The following PCBP3 variants were observed in gnomAD, a reference collection of about 807,000 sequenced individuals.
The protein encoded by PCBP3 is poly(rC) binding protein 3, also known as poly(rC)-binding protein 3.
In PCBP3, 25 loss-of-function variants were observed where a neutral mutation model predicts 52.7. That is an observed-to-expected ratio of 0.47 (90% CI 0.35 to 0.66). The LOEUF (loss-of-function observed/expected upper bound fraction) is 0.66. Among genes scored for constraint, PCBP3 ranks in the 30% least tolerant of loss-of-function variants. The probability of loss-of-function intolerance (pLI) is 0.01; values close to 1 mark genes in which losing one functional copy is unlikely to be tolerated. For synonymous variants in PCBP3, 162 were observed against 183.0 expected (o/e 0.89, Z 0.93); for missense variants, 391 against 490.3 (o/e 0.80, Z 1.91).
intron 12 of PCBP3, chr21:45,914,479 G>A (rs918905945): frequency 7.5e-6 from 2 of 267,458 alleles, no homozygotes; most frequent in Non-Finnish European, 1.4e-5. Flanking sequence ...GCTCTGCACT[G>A]AGGAAGGATG....
intron 4 of PCBP3, among the ~76,000 whole-genome samples, chr21:45,822,140 G>T (rs992718316): frequency 1.3e-4 from 20 of 152,284 alleles, no homozygotes; most frequent in African/African-American, 4.3e-4. Context: ...TCTGTGTTCA[G>T]TGTGAGGCCA....
chr21:45,940,010 C>G lies in PCBP3; in HGVS notation c.910-20C>G, dbSNP rs145149906. The stretch of plus-strand genomic sequence containing the variant: ...TGGCTTGGGCTGTTCTCTAAGAAAT[C>G]CCCCCGTCCTTGTTTCTAGCTAATA... On this transcript the variant is annotated intron_variant, in intron 16 of 17. Transcript: ENST00000681687. The G allele has an allele frequency of 2.5e-6, 4 of 1,606,966 alleles. No homozygotes were observed. Among genetic ancestry groups the G allele is most frequent in the East Asian group, 2.2e-5 (1 of 44,770 alleles).
chr21:45,679,203 C>A (rs2081667633), intron 2 of PCBP3, among the ~76,000 whole-genome samples: 1 of 151,678 alleles, frequency 6.6e-6, no homozygotes, highest in Non-Finnish European at 1.5e-5. Flanking sequence ...TCACTGCAAC[C>A]TCTGCCTCCT....
intron 2 of PCBP3, among the ~76,000 whole-genome samples, chr21:45,703,094 C>G (rs1326096636): frequency 1.3e-5 from 2 of 152,144 alleles, no homozygotes; most frequent in Non-Finnish European, 2.9e-5. Context: ...AATTCTAGTT[C>G]TCTTGCTGTT....
intron 1 of PCBP3, among the ~76,000 whole-genome samples, chr21:45,662,258 C>CTAATATA: frequency 6.8e-6 from 1 of 147,318 alleles, no homozygotes; most frequent in African/African-American, 2.5e-5. Flanking sequence ...CAGGTATGTG[C>CTAATATA]CAATATACCT....
intron 3 of PCBP3, among the ~76,000 whole-genome samples, chr21:45,740,851 C>A (rs1204563955): frequency 6.6e-6 from 1 of 152,112 alleles, no homozygotes; most frequent in Non-Finnish European, 1.5e-5. Context: ...AGTGCCCCCA[C>A]GTCTTGGGAA....
chr21:45,779,443 C>T (rs1275394113), intron 4 of PCBP3, among the ~76,000 whole-genome samples: 3 of 152,288 alleles, frequency 2.0e-5, no homozygotes, highest in African/African-American at 7.2e-5. Flanking sequence ...CTTCCTTTTC[C>T]TTAACTCGCT....
chr21:45,840,910 C>G (rs777089669), intron 4 of PCBP3, among the ~76,000 whole-genome samples: 1 of 152,150 alleles, frequency 6.6e-6, no homozygotes, highest in African/African-American at 2.4e-5. Flanking sequence ...CCACTGCACC[C>G]GGCCTTTTAA....
intron 4 of PCBP3, among the ~76,000 whole-genome samples, chr21:45,813,707 G>A (rs1353300615): frequency 6.6e-6 from 1 of 152,224 alleles, no homozygotes; most frequent in East Asian, 1.9e-4. Context: ...GCCTCCCAAA[G>A]TGCTGGTATT....
At chr21:45,856,387 A>T (rs2094295389) in intron 5 of PCBP3, among the ~76,000 whole-genome samples, 1 of 152,194 alleles carries the variant, frequency 6.6e-6, no homozygotes, top group African/African-American at 2.4e-5. Context: ...ACATCTTTTA[A>T]TTCATCTGAT....
chr21:45,676,980 C>T (rs1447314088), intron 2 of PCBP3, among the ~76,000 whole-genome samples: 2 of 152,144 alleles, frequency 1.3e-5, no homozygotes, highest in African/African-American at 2.4e-5. Context: ...GCTATGTTGG[C>T]CAAGCTGGTC....
intron 5 of PCBP3, among the ~76,000 whole-genome samples, chr21:45,883,727 G>A (rs566266422): frequency 5.3e-5 from 8 of 152,092 alleles, no homozygotes; most frequent in Admixed American, 4.6e-4. Context: ...ATGGTTGCAC[G>A]ATACGCCTTT....
chr21:45,823,987 C>G (rs1196591328), intron 4 of PCBP3, among the ~76,000 whole-genome samples: 1 of 152,192 alleles, frequency 6.6e-6, no homozygotes, highest in Admixed American at 6.5e-5. Flanking sequence ...CGTAATTCAC[C>G]CGCCTTGGCC....
intron 3 of PCBP3, among the ~76,000 whole-genome samples, chr21:45,744,609 G>C (rs1287364264): frequency 6.6e-6 from 1 of 151,938 alleles, no homozygotes; most frequent in Admixed American, 6.6e-5. Context: ...CATTTATATT[G>C]ATCATTTATA....
chr21:45,799,512 A>G (rs1341209191), intron 4 of PCBP3, among the ~76,000 whole-genome samples: 2 of 152,244 alleles, frequency 1.3e-5, no homozygotes, highest in African/African-American at 2.4e-5. Flanking sequence ...AGGGTTTGGT[A>G]TAGTCCATGG....
chr21:45,893,839 C>A, intron 5 of PCBP3: 5 of 985,400 alleles, frequency 5.1e-6, no homozygotes, highest in Non-Finnish European at 4.8e-6. Context: ...TCCCATGGGG[C>A]CTTGGATGCC....
At chr21:45,854,357 A>G (rs2094181545) in intron 5 of PCBP3, among the ~76,000 whole-genome samples, 1 of 152,124 alleles carries the variant, frequency 6.6e-6, no homozygotes, top group African/African-American at 2.4e-5. Flanking sequence ...GGCAGCCATC[A>G]CCACCATTAT....
chr21:45,896,993 T>C (rs55892560), intron 6 of PCBP3, among the ~76,000 whole-genome samples: 2 of 145,656 alleles, frequency 1.4e-5, no homozygotes, highest in Non-Finnish European at 3.0e-5. Context: ...AAGGCGGACA[T>C]GGCACATAGA....
intron 10 of PCBP3, among the ~76,000 whole-genome samples, chr21:45,909,873 G>A (rs1292427151): frequency 2.3e-4 from 18 of 76,598 alleles, no homozygotes; most frequent in African/African-American, 6.5e-4. Flanking sequence ...GCCCAGATAC[G>A]GACCCGGCCA....
Sources: gnomAD v4.1 joint callset for allele counts (sites outside exome capture counted in the v4.1 genomes callset) on GRCh38, gnomAD v4.1.1 for gene constraint, MANE v1.5 for transcripts, NCBI Gene and HGNC (gene_info 2026-07-23, HGNC 2026-07-21) for gene names.